MDGA2: variants seen among roughly 807,000 people sequenced by gnomAD.
The protein encoded by MDGA2 is MAM domain-containing glycosylphosphatidylinositol anchor protein 2.
Under a neutral mutation model 117.8 loss-of-function variants are expected in MDGA2, and 40 were observed. The ratio of observed to expected loss-of-function variants is 0.34; its 90% CI spans 0.26 to 0.44. MDGA2 has a LOEUF of 0.44. Ranked by LOEUF, MDGA2 falls within the 20% of genes least tolerant of loss-of-function variation. MDGA2 has a pLI of 1.00. For missense variants in MDGA2, 1,123 were observed against 1,250.6 expected (o/e 0.90, Z 1.54); for synonymous variants, 452 against 439.0 (o/e 1.03, Z -0.37).
At chr14:47,331,848 A>T (rs915710302) in intron 1 of MDGA2, among the ~76,000 whole-genome samples, 5 of 152,016 alleles carry the variant, frequency 3.3e-5, no homozygotes, top group African/African-American at 1.2e-4. Flanking sequence ...AATCTCAAAC[A>T]TTTCAAAAAC....
chr14:46,926,680 A>AT (rs35041269), intron 9 of MDGA2, among the ~76,000 whole-genome samples: 97,827 of 151,788 alleles, frequency 0.64, 32,438 homozygotes, highest in African/African-American at 0.8. Flanking sequence ...ATCTTGAGTA[A>AT]ATTAATTAGA....
At chr14:47,109,825 A>G (rs937400705) in intron 5 of MDGA2, among the ~76,000 whole-genome samples, 4 of 152,174 alleles carry the variant, frequency 2.6e-5, no homozygotes, top group African/African-American at 9.7e-5. Context: ...ACAGACCTGT[A>G]GTCCCAGCTA....
intron 10 of MDGA2, among the ~76,000 whole-genome samples, chr14:46,914,939 C>A (rs1883843622): frequency 6.6e-6 from 1 of 151,884 alleles, no homozygotes; most frequent in African/African-American, 2.4e-5. Flanking sequence ...AATTAATAAT[C>A]CTTTGAATAA....
chr14:47,443,155 C>T (rs114740070), intron 1 of MDGA2, among the ~76,000 whole-genome samples: 22 of 152,200 alleles, frequency 1.4e-4, no homozygotes, highest in African/African-American at 4.1e-4. Context: ...CTAAGATCTA[C>T]GGTGAGAACA....
intron 5 of MDGA2, among the ~76,000 whole-genome samples, chr14:47,111,508 A>G (rs1283454240): frequency 2.6e-5 from 4 of 152,164 alleles, no homozygotes; most frequent in African/African-American, 9.7e-5. Context: ...ACCATCCAAA[A>G]TAGAAGTTGA....
chr14:47,035,030 C>T lies in MDGA2; in HGVS notation c.1800G>A (p.Leu600=), dbSNP rs1288474624. 6.2e-7 allele frequency: 1 copy of T among 1,613,402 alleles called. No individual in the cohort carries two copies. The highest frequency in any genetic ancestry group is 1.7e-5 in the Admixed American group (1 of 59,990). The stretch of plus-strand genomic sequence containing the variant: ...ACTTACACTGAACGATGAGCTGCAC[C>T]AAGGCTTCCCTTGGTTTCACGTTAA... ...NGFNVKPREA[L]VQLIVQYPPA... Residue 600 remains leucine, a synonymous_variant, in exon 8 of 17, where the codon TTG becomes TTA. Transcript: ENST00000399232.
chr14:46,994,045 G>A (rs907981347), intron 8 of MDGA2, among the ~76,000 whole-genome samples: 4 of 152,098 alleles, frequency 2.6e-5, no homozygotes, highest in South Asian at 4.1e-4. Flanking sequence ...GTTGACCTGA[G>A]TTCAACCACG....
At chr14:47,602,062 A>G (rs1203818822) in intron 1 of MDGA2, among the ~76,000 whole-genome samples, 2 of 152,218 alleles carry the variant, frequency 1.3e-5, no homozygotes, top group African/African-American at 4.8e-5. Flanking sequence ...AATCTACGCT[A>G]CATTATTAAC....
At chr14:47,402,568 G>C (rs1252666923) in intron 1 of MDGA2, among the ~76,000 whole-genome samples, 1 of 152,038 alleles carries the variant, frequency 6.6e-6, no homozygotes, top group Non-Finnish European at 1.5e-5. Flanking sequence ...TAATGTTGCT[G>C]GAACGATGTA....
At chr14:47,567,757 G>A (rs879405837) in intron 1 of MDGA2, among the ~76,000 whole-genome samples, 5 of 152,072 alleles carry the variant, frequency 3.3e-5, no homozygotes, top group Non-Finnish European at 5.9e-5. Context: ...ACTAAACTAA[G>A]GCCTTAACTC....
At chr14:47,093,430 A>G (rs1465364967) in intron 6 of MDGA2, among the ~76,000 whole-genome samples, 1 of 152,140 alleles carries the variant, frequency 6.6e-6, no homozygotes, top group Non-Finnish European at 1.5e-5. Context: ...TCATGAAAAC[A>G]GAGACCTTTA....
rs556081948 is a variant in MDGA2 at position 47,254,228 on chromosome 14, A to G, written c.421-36033T>C. Among the ~76,000 whole-genome samples, 34 of 152,228 alleles carry G rather than the reference A, an allele frequency of 2.2e-4. No homozygotes were observed. The South Asian group carries it at 6.6e-3, about 30-fold the overall frequency. On this transcript the variant is annotated intron_variant, in intron 2 of 16. Transcript: ENST00000399232. Reference sequence around the variant, plus strand: ...ATTTGGTTCCTTGTTACTTATGCAAATTTCTGCAGCTGGCTTGAATTTCTC... The same window carrying G: ...ATTTGGTTCCTTGTTACTTATGCAAGTTTCTGCAGCTGGCTTGAATTTCTC...
At chr14:47,042,118 T>C (rs1300714889) in intron 7 of MDGA2, among the ~76,000 whole-genome samples, 1 of 151,988 alleles carries the variant, frequency 6.6e-6, no homozygotes, top group Non-Finnish European at 1.5e-5. Context: ...ATGTATGTTC[T>C]CGAGTAGAAT....
chr14:47,521,951 C>T lies in MDGA2; in HGVS notation c.280+152566G>A, dbSNP rs118077952. Among the ~76,000 whole-genome samples the T allele has an allele frequency of 5.9e-3, 899 of 152,214 alleles. 3 individuals are homozygous for T. The highest frequency in any genetic ancestry group is 0.011 in the Non-Finnish European group (721 of 68,004). On this transcript the variant is annotated intron_variant, in intron 1 of 16. Transcript: ENST00000399232. The stretch of plus-strand genomic sequence containing the variant: ...TCTCCCAAAGTGCTGGGATTACAAA[C>T]GTGAACCACCGCACCCAGCCCATAG...
intron 1 of MDGA2, among the ~76,000 whole-genome samples, chr14:47,320,040 G>A (rs1317574823): frequency 6.6e-6 from 1 of 152,108 alleles, no homozygotes; most frequent in African/African-American, 2.4e-5. Context: ...CATCTCCAAG[G>A]ACCACCAAAA....
intron 1 of MDGA2, among the ~76,000 whole-genome samples, chr14:47,362,491 T>C (rs1594817440): frequency 6.6e-6 from 1 of 152,168 alleles, no homozygotes; most frequent in East Asian, 1.9e-4. Flanking sequence ...ATATTTTTAA[T>C]GTGCTTAATA....
chr14:47,247,892 G>A (rs1566701457), intron 2 of MDGA2, among the ~76,000 whole-genome samples: 1 of 151,364 alleles, frequency 6.6e-6, no homozygotes, highest in Non-Finnish European at 1.5e-5. Flanking sequence ...AGAACATGTA[G>A]TGTTTGGTTT....
rs56244321 is a variant in MDGA2 at position 47,563,578 on chromosome 14, G to GTTTTTTTTTTTTTTTTTTTT, written c.280+110919_280+110938dup. On this transcript the variant is annotated intron_variant, in intron 1 of 16. Coordinates refer to ENST00000399232, the MANE Select transcript of MDGA2 (RefSeq NM_001113498.3). ...AGAATAGCAACCCCTGCTTTTTTCT[G>GTTTTTTTTTTTTTTTTTTTT]TTTTTTTTTTTTTTTTTTTTTTTTT... Among the ~76,000 whole-genome samples the GTTTTTTTTTTTTTTTTTTTT allele has an allele frequency of 5.3e-5, 3 of 56,974 alleles. 1 individual carries two copies. Among genetic ancestry groups the GTTTTTTTTTTTTTTTTTTTT allele is most frequent in the Non-Finnish European group, 3.2e-5 (1 of 30,964 alleles). 37.4% of individuals were successfully genotyped at this position (56,974 alleles called of 152,430 possible). A position where few individuals can be genotyped will look rare whatever the true frequency, so the allele number is the denominator to read the frequency against.
intron 1 of MDGA2, among the ~76,000 whole-genome samples, chr14:47,475,094 G>A (rs1223238566): frequency 1.3e-5 from 2 of 152,006 alleles, no homozygotes. Context: ...TCTGACAAAG[G>A]TTTAATATCC....
Sources: gnomAD v4.1 joint callset for allele counts (sites outside exome capture counted in the v4.1 genomes callset) on GRCh38, gnomAD v4.1.1 for gene constraint, MANE v1.5 for transcripts, NCBI Gene and HGNC (gene_info 2026-07-23, HGNC 2026-07-21) for gene names.